CPM: variants seen among roughly 807,000 people sequenced by gnomAD.
CPM encodes renal carboxypeptidase.
In CPM, 35 loss-of-function variants were observed where a neutral mutation model predicts 46.4. The observed-to-expected ratio is 0.75, with a 90% confidence interval of 0.58 to 1.00. The LOEUF is 1.00. Ranked by LOEUF, CPM falls within the 50% of genes least tolerant of loss-of-function variation. The probability of loss-of-function intolerance (pLI) is 0.00; values close to 1 mark genes in which losing one functional copy is unlikely to be tolerated. For synonymous variants in CPM, 195 were observed against 195.3 expected, an observed-to-expected ratio of 1.00 and a Z score of 0.01; for missense variants, 422 against 530.4, an observed-to-expected ratio of 0.80 and a Z score of 2.01.
chr12:68,879,812 C>T (rs1886109620), intron 3 of CPM, among the ~76,000 whole-genome samples: 1 of 152,100 alleles, frequency 6.6e-6, no homozygotes, highest in South Asian at 2.1e-4. Flanking sequence ...AAGATAAGCA[C>T]AAAACAAAGA....
intron 2 of CPM, among the ~76,000 whole-genome samples, chr12:68,907,014 G>A (rs910128934): frequency 1.3e-5 from 2 of 152,190 alleles, no homozygotes; most frequent in African/African-American, 4.8e-5. Context: ...TATACCTGAA[G>A]GCACGCTTCT....
intron 5 of CPM, chr12:68,844,806 G>A: frequency 1.0e-5 from 2 of 200,500 alleles, no homozygotes; most frequent in Non-Finnish European, 2.1e-5. Flanking sequence ...TTGCTCTGTG[G>A]CTCAGGCTGG....
downstream of CPM, among the ~76,000 whole-genome samples, chr12:68,851,023 T>C (rs1383118970): frequency 6.6e-6 from 1 of 152,112 alleles, no homozygotes; most frequent in African/African-American, 2.4e-5. Flanking sequence ...ATCTGGACTT[T>C]GAAGAGTTGT....
At chr12:68,872,976 G>C (rs540405212) in intron 3 of CPM, among the ~76,000 whole-genome samples, 10 of 152,300 alleles carry the variant, frequency 6.6e-5, no homozygotes, top group Middle Eastern at 3.4e-3. Context: ...CCCCAGGAGA[G>C]AGAGTCATTA....
intron 3 of CPM, among the ~76,000 whole-genome samples, chr12:68,875,612 C>A (rs868292348): frequency 6.6e-6 from 1 of 151,736 alleles, no homozygotes; most frequent in African/African-American, 2.4e-5. Context: ...TCGAGACGAG[C>A]CTGGCCAGCA....
chr12:68,868,195 G>A (rs547851046), intron 6 of CPM, among the ~76,000 whole-genome samples: 2 of 152,316 alleles, frequency 1.3e-5, no homozygotes, highest in South Asian at 4.1e-4. Context: ...AAATTGTGGA[G>A]AGCAGGGACG....
chr12:68,861,154 G>C (rs1885192480), intron 7 of CPM, among the ~76,000 whole-genome samples: 1 of 152,040 alleles, frequency 6.6e-6, no homozygotes, highest in South Asian at 2.1e-4. Context: ...CTGGAGTGCA[G>C]GGATTATAGG....
chr12:68,913,114 CTTG>C (rs1887665994), intron 2 of CPM, among the ~76,000 whole-genome samples: 2 of 152,146 alleles, frequency 1.3e-5, no homozygotes, highest in Non-Finnish European at 2.9e-5. Flanking sequence ...GCCAACCAGC[CTTG>C]TTGTTGTCTA....
rs58723203 is a variant in CPM, at chr12:68,905,172, G to C, written c.161-19283C>G. Among the ~76,000 whole-genome samples, 809 of 151,436 alleles carry C rather than the reference G, an allele frequency of 5.3e-3. 5 individuals are homozygous for C. Among genetic ancestry groups the C allele is most frequent in the African/African-American group, 0.019 (766 of 41,228 alleles). ...TGATCCACCCGCCTCAGCCTCCCAA[G>C]GTGCTAGGATTACAGGCGTGAACTA... On this transcript the variant is annotated intron_variant, in intron 2 of 8. Transcript: ENST00000551568.
chr12:68,939,021 ATAT>A (rs949265075), intron 1 of CPM, among the ~76,000 whole-genome samples: 154 of 147,704 alleles, frequency 1.0e-3, no homozygotes, highest in Middle Eastern at 3.7e-3. Flanking sequence ...ATATATATAG[ATAT>A]TATGTACATA....
chr12:68,903,212 G>C (rs187753265), intron 2 of CPM, among the ~76,000 whole-genome samples: 1 of 152,114 alleles, frequency 6.6e-6, no homozygotes, highest in Non-Finnish European at 1.5e-5. Context: ...ATTTACAGTC[G>C]GCTGATCACA....
chr12:68,848,494 A>C (rs1884481997), downstream of CPM: 2 of 152,040 alleles, frequency 1.3e-5, no homozygotes, highest in South Asian at 2.1e-4. Flanking sequence ...GTCCCCCCCC[A>C]AATTATTGTT....
At chr12:68,862,224 T>A (rs1565767077) in intron 7 of CPM, among the ~76,000 whole-genome samples, 1 of 139,656 alleles carries the variant, frequency 7.2e-6, no homozygotes, top group Non-Finnish European at 1.6e-5. Flanking sequence ...CATCCCCTAA[T>A]AACCCAAAGA....
intron 3 of CPM, among the ~76,000 whole-genome samples, chr12:68,884,459 G>A (rs1423202600): frequency 1.3e-5 from 2 of 152,200 alleles, no homozygotes; most frequent in East Asian, 3.9e-4. Flanking sequence ...CAGGCGGAGT[G>A]TACCATGAAG....
chr12:68,892,345 C>A (rs1886691191), intron 2 of CPM, among the ~76,000 whole-genome samples: 2 of 152,146 alleles, frequency 1.3e-5, no homozygotes, highest in Admixed American at 6.5e-5. Context: ...TCGAGGGGCA[C>A]AATGAGGATG....
At chr12:68,928,852 GC>G (rs1369863370) in intron 2 of CPM, among the ~76,000 whole-genome samples, 1 of 151,190 alleles carries the variant, frequency 6.6e-6, no homozygotes, top group Non-Finnish European at 1.5e-5. Context: ...TGATTCTCCT[GC>G]CTCAGTTTCC....
chr12:68,865,659 A>G (rs1885410486), intron 7 of CPM, among the ~76,000 whole-genome samples: 1 of 151,578 alleles, frequency 6.6e-6, no homozygotes, highest in Non-Finnish European at 1.5e-5. Context: ...CTCTCTCTCC[A>G]TGTGGTATCA....
intron 1 of CPM, among the ~76,000 whole-genome samples, chr12:68,958,791 C>T (rs1889066480): frequency 6.6e-6 from 1 of 152,144 alleles, no homozygotes; most frequent in Non-Finnish European, 1.5e-5. Context: ...CCTTCCTGGC[C>T]TCTGAGACGC....
chr12:68,856,744 A>G, intron 8 of CPM, 65 bp from the exon 9 acceptor site: 1 of 1,566,332 alleles, frequency 6.4e-7, no homozygotes, highest in Non-Finnish European at 8.7e-7. Context: ...CACACTGAAA[A>G]CACTGATATC....
Sources: gnomAD v4.1 joint callset for allele counts (sites outside exome capture counted in the v4.1 genomes callset) on GRCh38, gnomAD v4.1.1 for gene constraint, MANE v1.5 for transcripts, NCBI Gene and HGNC (gene_info 2026-07-23, HGNC 2026-07-21) for gene names.